The following CNIH3 variants were observed in gnomAD, a reference collection of about 807,000 sequenced individuals.
CNIH3 encodes the protein cornichon family AMPA receptor auxiliary protein 3, also known as protein cornichon homolog 3.
Under a neutral mutation model 24.1 loss-of-function variants are expected in CNIH3, and 14 were observed. The ratio of observed to expected loss-of-function variants is 0.58; its 90% confidence interval spans 0.38 to 0.91. The LOEUF (loss-of-function observed/expected upper bound fraction) is 0.91. Among genes scored for constraint, CNIH3 ranks in the 40% least tolerant of loss-of-function variants. The pLI is 0.00. For synonymous variants in CNIH3, 68 were observed against 73.8 expected, an observed-to-expected ratio of 0.92 and a Z score of 0.40; for missense variants, 178 against 196.8, an observed-to-expected ratio of 0.90 and a Z score of 0.57.
intron 1 of CNIH3, chr1:224,661,683 G>T: frequency 4.7e-6 from 1 of 213,344 alleles, no homozygotes; most frequent in Non-Finnish European, 9.7e-6. Flanking sequence ...TCCTCCTTCT[G>T]GTTTAATATA....
At chr1:224,512,168 A>T (rs12140906), upstream of CNIH3, among the ~76,000 whole-genome samples, 40,187 of 149,244 alleles carry the variant, frequency 0.27, 6,438 homozygotes, top group African/African-American at 0.46. Context: ...AGAGTGAAAC[A>T]CCGTCTCAAA....
chr1:224,693,191 T>C (rs941103091), intron 3 of CNIH3, among the ~76,000 whole-genome samples: 1 of 152,218 alleles, frequency 6.6e-6, no homozygotes, highest in East Asian at 1.9e-4. Context: ...GCGTAAACTG[T>C]GGTGCTGTCA....
At chr1:224,728,995 A>G (rs186089851) in intron 3 of CNIH3, among the ~76,000 whole-genome samples, 73 of 152,110 alleles carry the variant, frequency 4.8e-4, no homozygotes, top group Middle Eastern at 6.8e-3. Context: ...GAGGATGATG[A>G]CTCCACAATG....
upstream of CNIH3, among the ~76,000 whole-genome samples, chr1:224,614,266 G>A (rs6670121): frequency 1.0e-3 from 154 of 152,284 alleles, no homozygotes; most frequent in African/African-American, 3.4e-3. Flanking sequence ...GTATGTAGCC[G>A]GTCCTGACCC....
chr1:224,523,862 AT>A (rs1678739305), intron 2 of CNIH3, among the ~76,000 whole-genome samples: 1 of 152,106 alleles, frequency 6.6e-6, no homozygotes, highest in African/African-American at 2.4e-5. Context: ...TGTAGTTTGA[AT>A]TTCACTGATG....
intron 1 of CNIH3, among the ~76,000 whole-genome samples, chr1:224,640,990 T>C (rs1684330624): frequency 6.6e-6 from 1 of 152,102 alleles, no homozygotes; most frequent in South Asian, 2.1e-4. Flanking sequence ...TCAGCAAAGA[T>C]TATACCGTAT....
intron 1 of CNIH3, among the ~76,000 whole-genome samples, chr1:224,455,023 A>C (rs886511271): frequency 6.6e-6 from 1 of 152,168 alleles, no homozygotes; most frequent in African/African-American, 2.4e-5. Context: ...GTAAGTCGAA[A>C]ATGCATTTAA....
At chr1:224,537,355 A>C (rs1040646004), downstream of CNIH3, 1 of 152,228 alleles carries the variant, frequency 6.6e-6, no homozygotes, top group African/African-American at 2.4e-5. Flanking sequence ...CTGCAGATGC[A>C]CTGAGGCTAA....
intron 1 of CNIH3, among the ~76,000 whole-genome samples, chr1:224,447,560 C>T (rs567872111): frequency 2.0e-5 from 3 of 152,326 alleles, no homozygotes; most frequent in Admixed American, 1.3e-4. Context: ...ATTCCTTAAT[C>T]CAGTCAAGTT....
chr1:224,705,815 C>T (rs1687755621), intron 3 of CNIH3, among the ~76,000 whole-genome samples: 4 of 147,888 alleles, frequency 2.7e-5, no homozygotes, highest in Non-Finnish European at 4.5e-5. Context: ...TTTTTTTTCT[C>T]TTTCTCTTTT....
chr1:224,523,381 T>A (rs1678719942), intron 2 of CNIH3, among the ~76,000 whole-genome samples: 1 of 152,248 alleles, frequency 6.6e-6, no homozygotes, highest in South Asian at 2.1e-4. Context: ...AACAAACTAT[T>A]GCTATGTGCA....
intron 1 of CNIH3, among the ~76,000 whole-genome samples, chr1:224,646,088 A>G (rs1379768506): frequency 6.6e-6 from 1 of 152,184 alleles, no homozygotes; most frequent in African/African-American, 2.4e-5. Context: ...GAGTTAGATA[A>G]AGGCCCAGTC....
intron 3 of CNIH3, chr1:224,565,587 G>A (rs915683368): frequency 6.6e-6 from 1 of 152,526 alleles, no homozygotes; most frequent in Non-Finnish European, 1.5e-5. Flanking sequence ...TCTCCAGATT[G>A]AGGCTTTCTC....
At chr1:224,560,947 C>CTTG (rs1680347701) in intron 3 of CNIH3, among the ~76,000 whole-genome samples, 1 of 141,074 alleles carries the variant, frequency 7.1e-6, no homozygotes, top group South Asian at 2.6e-4. Flanking sequence ...TTGAATGTAT[C>CTTG]TCGTGATTTC....
intron 1 of CNIH3, among the ~76,000 whole-genome samples, chr1:224,464,345 G>A (rs945377410): frequency 1.3e-5 from 2 of 151,264 alleles, no homozygotes; most frequent in African/African-American, 2.4e-5. Flanking sequence ...TGCCCAGGCT[G>A]TTCTTAAATT....
intron 1 of CNIH3, among the ~76,000 whole-genome samples, chr1:224,634,730 A>G (rs568484722): frequency 5.9e-5 from 9 of 151,884 alleles, no homozygotes; most frequent in Admixed American, 3.9e-4. Context: ...TTGCCTCGCA[A>G]CTCACTCCTC....
chr1:224,594,254 A>G (rs993397883), intron 3 of CNIH3, among the ~76,000 whole-genome samples: 2 of 152,222 alleles, frequency 1.3e-5, no homozygotes, highest in African/African-American at 4.8e-5. Context: ...GACACTGCAC[A>G]CTGACCCAGT....
chr1:224,676,357 TGGC>T (rs1686139425), intron 1 of CNIH3, among the ~76,000 whole-genome samples: 1 of 151,712 alleles, frequency 6.6e-6, no homozygotes, highest in South Asian at 2.1e-4. Context: ...GGGTGAGACA[TGGC>T]GGGGGGGTGT....
intron 5 of CNIH3, among the ~76,000 whole-genome samples, chr1:224,737,841 A>G (rs1170457122): frequency 2.0e-5 from 3 of 152,152 alleles, no homozygotes; most frequent in African/African-American, 7.2e-5. Context: ...CCCACTTCTC[A>G]GGTTGCCTTG....
Sources: allele counts gnomAD v4.1 joint callset (sites outside exome capture counted in the v4.1 genomes callset), GRCh38; gene constraint gnomAD v4.1.1; transcripts MANE v1.5; gene names NCBI Gene and HGNC (gene_info 2026-07-23, HGNC 2026-07-21).